ZBTB40: variants seen among roughly 807,000 people sequenced by gnomAD.
ZBTB40 encodes the protein zinc finger and BTB domain-containing protein 40.
A neutral mutation model predicts 117.5 loss-of-function variants in ZBTB40; 60 were observed. That is an observed-to-expected ratio of 0.51 (90% CI 0.41 to 0.63). The LOEUF is 0.63. Among genes scored for constraint, ZBTB40 ranks in the 30% least tolerant of loss-of-function variants. The probability of loss-of-function intolerance (pLI) is 0.00; values close to 1 mark genes in which losing one functional copy is unlikely to be tolerated. For synonymous variants in ZBTB40, 525 were observed against 577.1 expected (o/e 0.91, Z 1.29); for missense variants, 1,287 against 1,498.5 (o/e 0.86, Z 2.33).
At position 22,493,793 on chromosome 1, in the gene ZBTB40, T is replaced by C. The variant is rs182950072; in HGVS notation, c.831+2260T>C. Among the ~76,000 whole-genome samples the C allele has an allele frequency of 1.8e-3, 253 of 137,364 alleles. 1 individual carries two copies. The highest frequency in any genetic ancestry group is 3.8e-3 in the South Asian group (17 of 4,472). 90.1% of individuals were successfully genotyped at this position (137,364 alleles called of 152,430 possible). A position where few individuals can be genotyped will look rare whatever the true frequency, so the allele number is the denominator to read the frequency against. On this transcript the variant is annotated intron_variant, in intron 3 of 17. Coordinates refer to ENST00000375647, the MANE Select transcript of ZBTB40 (RefSeq NM_014870.4). Reference sequence around the variant, plus strand: ...GCGTAAGTATCTTGAGATTCACCCATGTTTTTTTTTTTTTTTCCTTTTTTC... The same window carrying C: ...GCGTAAGTATCTTGAGATTCACCCACGTTTTTTTTTTTTTTTCCTTTTTTC...
intron 1 of ZBTB40, among the ~76,000 whole-genome samples, chr1:22,437,678 C>T (rs868698171): frequency 1.3e-5 from 2 of 151,970 alleles, no homozygotes; most frequent in African/African-American, 2.4e-5. Flanking sequence ...TCTCAGCCTC[C>T]CAAAGCGCTG....
chr1:22,505,936 G>A (rs998210508), intron 5 of ZBTB40, 113 bp from the exon 6 acceptor site: 9 of 1,041,838 alleles, frequency 8.6e-6, no homozygotes, highest in Non-Finnish European at 1.4e-5. Flanking sequence ...CAACAGAAGA[G>A]GACTTGGAGA....
chr1:22,526,900 G>T lies in ZBTB40; in HGVS notation c.*504G>T. On this transcript the variant is annotated 3_prime_UTR_variant, in exon 18 of 18. Coordinates refer to ENST00000375647, the MANE Select transcript of ZBTB40 (RefSeq NM_014870.4). Reference sequence around the variant, plus strand: ...TCGGGGACCTTAGGCCCCTTCCTGAGGCACACTTGGCCCCTTCCTCGGTCC... The same window carrying T: ...TCGGGGACCTTAGGCCCCTTCCTGATGCACACTTGGCCCCTTCCTCGGTCC... 1 of 242,872 alleles carries T rather than the reference G, an allele frequency of 4.1e-6. No individual in the cohort carries two copies. The highest frequency in any genetic ancestry group is 8.2e-6 in the Non-Finnish European group (1 of 121,844). The allele number at this position is 242,872 out of a possible 1,614,324, so 15.0% of individuals were successfully genotyped here. A position where few individuals can be genotyped will look rare whatever the true frequency, so the allele number is the denominator to read the frequency against.
chr1:22,511,497 C>A, intron 10 of ZBTB40, 150 bp downstream of exon 10: 1 of 1,300,444 alleles, frequency 7.7e-7, no homozygotes, highest in Non-Finnish European at 1.1e-6. Flanking sequence ...AGTCATGAGA[C>A]ATAGGGGGAA....
Position 22,520,314 on chromosome 1 carries a change from CT to C in ZBTB40, c.3048+40del, listed in dbSNP as rs759893289. 5.2e-6 allele frequency: 8 copies of C among 1,531,670 alleles called. No homozygotes were observed. The African/African-American group carries it at 9.5e-5, about 18-fold the overall frequency. The allele number at this position is 1,531,670 out of a possible 1,614,324, so 94.9% of individuals were successfully genotyped here. On this transcript the variant is annotated intron_variant, in intron 14 of 17. Transcript: ENST00000375647. The stretch of plus-strand genomic sequence containing the variant: ...CCACTGGGAGCTCTTCCCCTCACCC[CT>C]GACCTACTCTCCATTTGATCTTCCC...
At chr1:22,470,269 T>G (rs1227736402) in intron 1 of ZBTB40, among the ~76,000 whole-genome samples, 2 of 152,266 alleles carry the variant, frequency 1.3e-5, no homozygotes, top group African/African-American at 2.4e-5. Context: ...TAATTCTGAC[T>G]GTTATCCTTC....
chr1:22,500,392 C>CT (rs1437874803), intron 3 of ZBTB40, among the ~76,000 whole-genome samples: 2 of 152,078 alleles, frequency 1.3e-5, no homozygotes, highest in African/African-American at 4.8e-5. Context: ...GTTAGAGCTG[C>CT]TTTTCAGAGA....
chr1:22,502,270 T>C lies in ZBTB40; in HGVS notation c.1025-29T>C. On this transcript the variant is annotated intron_variant, in intron 4 of 17. Coordinates refer to ENST00000375647, the MANE Select transcript of ZBTB40 (RefSeq NM_014870.4). ...TTTTCTTCAAATTGACTAGCTTCTCTTGTGTGTCTCTAACTCTTTCTCCCC... is the reference window on the plus strand; with the variant it reads ...TTTTCTTCAAATTGACTAGCTTCTCCTGTGTGTCTCTAACTCTTTCTCCCC... 1.9e-6 allele frequency: 3 copies of C among 1,608,318 alleles called. No homozygotes were observed. In the South Asian group the frequency reaches 3.3e-5, roughly 18 times the overall value.
At chr1:22,466,854 G>A (rs952538959) in intron 1 of ZBTB40, among the ~76,000 whole-genome samples, 4 of 151,608 alleles carry the variant, frequency 2.6e-5, no homozygotes, top group African/African-American at 9.7e-5. Flanking sequence ...TTCCCATTCT[G>A]TGCAGTGTCT....
At chr1:22,504,380 T>G (rs1379474157) in intron 5 of ZBTB40, among the ~76,000 whole-genome samples, 1 of 152,220 alleles carries the variant, frequency 6.6e-6, no homozygotes, top group Non-Finnish European at 1.5e-5. Context: ...TATTGCTTAC[T>G]GTGTGCCAGG....
At chr1:22,520,970 C>G (rs1639507501) in intron 14 of ZBTB40, among the ~76,000 whole-genome samples, 1 of 152,210 alleles carries the variant, frequency 6.6e-6, no homozygotes, top group Admixed American at 6.5e-5. Flanking sequence ...GGAAAGTATT[C>G]CCAGTGCTGC....
At chr1:22,430,972 A>G (rs573343402) in intron 1 of ZBTB40, among the ~76,000 whole-genome samples, 2 of 152,122 alleles carry the variant, frequency 1.3e-5, no homozygotes, top group East Asian at 1.9e-4. Context: ...CATGTTATAT[A>G]TGATTTTGAG....
At chr1:22,457,520 G>A (rs926040021) in intron 1 of ZBTB40, among the ~76,000 whole-genome samples, 7 of 152,184 alleles carry the variant, frequency 4.6e-5, no homozygotes, top group East Asian at 1.9e-4. Context: ...CCCTGGAGGC[G>A]TTTGCATGAG....
intron 1 of ZBTB40, among the ~76,000 whole-genome samples, chr1:22,488,879 A>AGTTAGAG (rs1638546563): frequency 6.6e-6 from 1 of 152,182 alleles, no homozygotes; most frequent in Non-Finnish European, 1.5e-5. Flanking sequence ...GTAAGAGATG[A>AGTTAGAG]TGGCAGTTTG....
intron 3 of ZBTB40, among the ~76,000 whole-genome samples, chr1:22,495,814 C>G (rs1197736495): frequency 2.0e-5 from 3 of 152,212 alleles, no homozygotes; most frequent in Non-Finnish European, 4.4e-5. Flanking sequence ...CCGCACCCAG[C>G]CTTTTTTACG....
At chr1:22,507,270 G>T (rs141517801) in intron 6 of ZBTB40, among the ~76,000 whole-genome samples, 11 of 152,246 alleles carry the variant, frequency 7.2e-5, no homozygotes, top group African/African-American at 2.6e-4. Context: ...TTTTTGTGTG[G>T]CTAGTATAAT....
At position 22,513,561 on chromosome 1, in the gene ZBTB40, C is replaced by T. The variant is rs985559138; in HGVS notation, c.2668+431C>T. ...TAAAAAATACAAAAAATTAGCCAGG[C>T]GTGGTGGCGGGCACCTGGAGTCTCA... On this transcript the variant is annotated intron_variant, in intron 12 of 17. Transcript: ENST00000375647. The surrounding 1 kb of genome is among the most constrained non-coding windows in gnomAD (Gnocchi z 4.9). Among the ~76,000 whole-genome samples, 5 of 152,140 alleles carry T rather than the reference C, an allele frequency of 3.3e-5. No homozygotes were observed. Among genetic ancestry groups the T allele is most frequent in the South Asian group, 2.1e-4 (1 of 4,814 alleles).
intron 17 of ZBTB40, 123 bp from the exon 18 acceptor site, chr1:22,526,079 T>G: frequency 2.6e-6 from 3 of 1,162,686 alleles, no homozygotes; most frequent in Non-Finnish European, 3.8e-6. Flanking sequence ...ATTAGGCACA[T>G]GTAAGTGCTC....
chr1:22,451,449 A>G (rs1557477541), upstream of ZBTB40, among the ~76,000 whole-genome samples: 1 of 152,102 alleles, frequency 6.6e-6, no homozygotes, highest in Non-Finnish European at 1.5e-5. Context: ...AGCCTGGCCA[A>G]CATGGTGACA....
Sources: allele counts gnomAD v4.1 joint callset (sites outside exome capture counted in the v4.1 genomes callset), GRCh38; gene constraint gnomAD v4.1.1; non-coding constraint Gnocchi (gnomAD v3.1); transcripts MANE v1.5; gene names NCBI Gene and HGNC (gene_info 2026-07-23, HGNC 2026-07-21).